Variants in PDE2A observed in about 807,000 individuals in gnomAD.
The protein encoded by PDE2A is cGMP-dependent 3',5'-cyclic phosphodiesterase.
A neutral mutation model predicts 133.6 loss-of-function variants in PDE2A; 53 were observed. The observed-to-expected ratio is 0.40, with a 90% confidence interval of 0.32 to 0.50. The LOEUF is 0.50. PDE2A is among the 20% of genes least tolerant of loss of function. The pLI, the probability that PDE2A is intolerant of heterozygous loss-of-function variation, is 0.73. For missense variants in PDE2A, 796 were observed against 1,232.4 expected (o/e 0.65, Z 5.30); for synonymous variants, 491 against 490.2 (o/e 1.00, Z -0.02).
At chr11:72,600,779 C>T (rs760180260) in intron 4 of PDE2A, among the ~76,000 whole-genome samples, 14 of 152,208 alleles carry the variant, frequency 9.2e-5, no homozygotes, top group Admixed American at 3.3e-4. Flanking sequence ...GCTGCCCAGG[C>T]GAAGGCTAAT....
intron 2 of PDE2A, among the ~76,000 whole-genome samples, chr11:72,612,275 C>CA (rs1857241692): frequency 2.3e-4 from 28 of 124,186 alleles, no homozygotes; most frequent in African/African-American, 7.2e-4. Context: ...CACATCACAT[C>CA]CACACACACA....
chr11:72,640,115 G>A (rs899042115), intron 2 of PDE2A, among the ~76,000 whole-genome samples: 6 of 151,322 alleles, frequency 4.0e-5, no homozygotes, highest in South Asian at 2.1e-4. Context: ...TAATTCACAC[G>A]TCACACCAAA....
At chr11:72,582,655 G>T in intron 20 of PDE2A, 89 bp from the exon 21 acceptor site, 3 of 1,330,344 alleles carry the variant, frequency 2.3e-6, no homozygotes, top group African/African-American at 2.9e-5. Context: ...TGGGGGATCC[G>T]TCACCCAGAA....
At position 72,584,277 on chromosome 11, in the gene PDE2A, T is replaced by C. The variant is rs747023881; in HGVS notation, c.1574A>G (p.Asn525Ser). 5.6e-6 allele frequency: 9 copies of C among 1,609,618 alleles called. No homozygotes were observed. In the East Asian group the frequency reaches 1.3e-4, roughly 24 times the overall value. Residue 525 changes from asparagine to serine, a missense_variant, in exon 19 of 31, where the codon AAT becomes AGT. Physicochemically the swap from Asn to Ser is conservative, Grantham distance 46. This residue lies in a region of PDE2A where 218 missense variants were observed against 465.9 expected (regional missense o/e 0.47). Transcript: ENST00000334456. ...IGVAELVNKINGPWFSKFDED... is the reference protein window; with the variant it reads ...IGVAELVNKISGPWFSKFDED... ...GTCGAACTTGCTGAACCATGGCCCA[T>C]TGATCTTGTTCACCAGCTCGGCCAC...
At chr11:72,582,061 T>C in intron 21 of PDE2A, 114 bp from the exon 22 acceptor site, 1 of 824,222 alleles carries the variant, frequency 1.2e-6, no homozygotes. Context: ...AACTTACATC[T>C]AAACTAGAGA....
Position 72,597,592 on chromosome 11 carries a change from C to G in PDE2A, c.351G>C (p.Leu117=), listed in dbSNP as rs745701530. The change falls in exon 5 of 31, where the codon CTG becomes CTC. Residue 117 remains leucine (L), a synonymous_variant. Transcript: ENST00000334456. This position sits in a 1 kb window ranked among gnomAD's most constrained non-coding sequence, Gnocchi z 4.6. The part of the protein sequence containing the change: ...VREAIISQKR[L]GCNGLGFSDL... ...CTGAGAAGCCCAGCCCATTGCAGCC[C>G]AGCCGCTTCTGGGAGATGATAGCCT... 1 of 1,613,126 alleles carries G rather than the reference C, an allele frequency of 6.2e-7. No individual in the cohort carries two copies. The highest frequency in any genetic ancestry group is 2.2e-5 in the East Asian group (1 of 44,870).
chr11:72,633,412 G>A (rs941718769), intron 2 of PDE2A, among the ~76,000 whole-genome samples: 5 of 152,146 alleles, frequency 3.3e-5, no homozygotes, highest in Non-Finnish European at 5.9e-5. Context: ...CTTGCCCTTC[G>A]AGTCACAGGA....
At chr11:72,610,326 A>G (rs1274663498) in intron 2 of PDE2A, among the ~76,000 whole-genome samples, 1 of 152,200 alleles carries the variant, frequency 6.6e-6, no homozygotes, top group Non-Finnish European at 1.5e-5. Flanking sequence ...AAGGCATGCC[A>G]CAGGTCACCA....
Position 72,584,240 on chromosome 11 carries a change from C to T in PDE2A, c.1611G>A (p.Ala537=), listed in dbSNP as rs139553280. Residue 537 remains alanine (A), a synonymous_variant, in exon 19 of 31, where the codon GCG becomes GCA. Transcript: ENST00000334456. ...TGCCGCAGTAGATGGAGAAGGCCGT[C>T]GCCAGGTCCTCGTCGAACTTGCTGA... ...PWFSKFDEDL[A]TAFSIYCGIS... is the part of the protein sequence containing the mutation. The T allele has an allele frequency of 1.1e-5, 18 of 1,612,446 alleles. No individual in the cohort carries two copies. The highest frequency in any genetic ancestry group is 8.3e-5 in the Admixed American group (5 of 59,972).
At chr11:72,655,428 A>G (rs1344956267) in intron 1 of PDE2A, among the ~76,000 whole-genome samples, 1 of 150,636 alleles carries the variant, frequency 6.6e-6, no homozygotes, top group Non-Finnish European at 1.5e-5. Flanking sequence ...AACCTGGCCC[A>G]GGTAGATGGA....
chr11:72,635,926 G>A, intron 2 of PDE2A: 2 of 1,119,382 alleles, frequency 1.8e-6, no homozygotes, highest in Non-Finnish European at 2.3e-6. Flanking sequence ...CATTCTTTCG[G>A]CCACCCGACC....
chr11:72,588,304 T>G (rs1295593326), intron 13 of PDE2A, among the ~76,000 whole-genome samples: 2 of 152,224 alleles, frequency 1.3e-5, no homozygotes, highest in Non-Finnish European at 2.9e-5. Context: ...CCTCCAAGCC[T>G]GCTTTCCTGT....
At chr11:72,653,462 G>A (rs1304819799) in intron 1 of PDE2A, among the ~76,000 whole-genome samples, 3 of 152,136 alleles carry the variant, frequency 2.0e-5, no homozygotes, top group Non-Finnish European at 4.4e-5. Flanking sequence ...GATTCCCAGC[G>A]AGGCTCCACT....
At chr11:72,598,780 G>A (rs900836858) in intron 4 of PDE2A, 3 of 985,282 alleles carry the variant, frequency 3.0e-6, no homozygotes, top group Admixed American at 1.2e-4. Context: ...TCAAGCTCAC[G>A]CAGCATTCTG....
chr11:72,660,002 C>G (rs1001964118), intron 1 of PDE2A, among the ~76,000 whole-genome samples: 2 of 152,210 alleles, frequency 1.3e-5, no homozygotes, highest in African/African-American at 2.4e-5. Context: ...TGGAGGCACC[C>G]CCACTCCATG....
chr11:72,631,165 T>C, intron 2 of PDE2A: 2 of 1,526,890 alleles, frequency 1.3e-6, no homozygotes, highest in East Asian at 2.5e-5. Context: ...GGTCAGGGGC[T>C]GAGGCCGGCC....
At position 72,597,776 on chromosome 11, in the gene PDE2A, AG is replaced by A. The variant is rs1298016338; in HGVS notation, c.324-158del. On this transcript the variant is annotated intron_variant, in intron 4 of 30. Coordinates refer to ENST00000334456, the MANE Select transcript of PDE2A (RefSeq NM_002599.5). This position sits in a 1 kb window ranked among gnomAD's most constrained non-coding sequence, Gnocchi z 4.6. ...GACACGATGACAGCACAAGTAAAAAAGTAGGGGACCCTGGACCCTATGTGGA... is the reference window on the plus strand; with the variant it reads ...GACACGATGACAGCACAAGTAAAAAATAGGGGACCCTGGACCCTATGTGGA... 1.3e-5 allele frequency among the ~76,000 whole-genome samples: 2 copies of A among 152,248 alleles called. No homozygotes were observed. The highest frequency in any genetic ancestry group is 4.8e-5 in the African/African-American group (2 of 41,464).
intron 1 of PDE2A, chr11:72,668,464 T>G (rs765169621): frequency 3.4e-5 from 24 of 709,668 alleles, no homozygotes; most frequent in African/African-American, 7.0e-5. Flanking sequence ...TATGGCTTAA[T>G]ACTTCTATCC....
At chr11:72,642,183 G>A (rs1369116022) in intron 2 of PDE2A, 71 bp downstream of exon 2, 3 of 1,370,534 alleles carry the variant, frequency 2.2e-6, no homozygotes, top group East Asian at 3.1e-5. Context: ...AGGGTTCGGG[G>A]GCGGGCAGAC....
Sources: gnomAD v4.1 joint callset for allele counts (sites outside exome capture counted in the v4.1 genomes callset) on GRCh38, gnomAD v4.1.1 for gene constraint, gnomAD v4.1.1 regional missense constraint, Gnocchi (gnomAD v3.1) non-coding constraint, MANE v1.5 for transcripts, NCBI Gene and HGNC (gene_info 2026-07-23, HGNC 2026-07-21) for gene names.